Variants in TEX9 observed in about 807,000 individuals in gnomAD.
TEX9 encodes testis-expressed protein 9.
In TEX9, 74 loss-of-function variants were observed where a neutral mutation model predicts 59.6. The observed-to-expected ratio is 1.24, with a 90% CI of 1.03 to 1.51. The LOEUF (loss-of-function observed/expected upper bound fraction) is 1.51, where lower values mean the gene tolerates loss of function less well. Among genes scored for constraint, TEX9 ranks in the 40% most tolerant of loss-of-function variants. The probability of loss-of-function intolerance (pLI) is 0.00; values close to 1 mark genes in which losing one functional copy is unlikely to be tolerated. For missense variants in TEX9, 522 were observed against 447.8 expected (o/e 1.17, Z -1.49); for synonymous variants, 186 against 152.2 (o/e 1.22, Z -1.64).
At chr15:56,382,506 C>G (rs1056110099) in intron 3 of TEX9, among the ~76,000 whole-genome samples, 2 of 152,184 alleles carry the variant, frequency 1.3e-5, no homozygotes, top group African/African-American at 4.8e-5. Context: ...GCCCAAGGCC[C>G]ATGGCCTGCT....
intron 12 of TEX9, among the ~76,000 whole-genome samples, chr15:56,438,748 G>C (rs1356590368): frequency 2.0e-5 from 3 of 152,106 alleles, no homozygotes; most frequent in Non-Finnish European, 4.4e-5. Flanking sequence ...CTACCCATCT[G>C]ACCAAGGGGT....
At chr15:56,296,249 C>T (rs2045216334) in intron 1 of TEX9, among the ~76,000 whole-genome samples, 1 of 152,158 alleles carries the variant, frequency 6.6e-6, no homozygotes, top group African/African-American at 2.4e-5. Flanking sequence ...ACCTGTATTA[C>T]ATGTATGCTT....
chr15:56,439,446 TAA>T (rs35812910), intron 12 of TEX9, among the ~76,000 whole-genome samples: 2 of 151,670 alleles, frequency 1.3e-5, no homozygotes, highest in African/African-American at 2.4e-5. Flanking sequence ...CTAGAATAGC[TAA>T]AAAAAAAATT....
intron 1 of TEX9, among the ~76,000 whole-genome samples, chr15:56,318,941 T>A (rs1016310617): frequency 4.6e-5 from 7 of 152,194 alleles, no homozygotes; most frequent in Non-Finnish European, 1.0e-4. Context: ...TAAAGAACTC[T>A]ACGCTATTAC....
chr15:56,445,399 A>G (rs759264899), intron 12 of TEX9, among the ~76,000 whole-genome samples: 134 of 152,154 alleles, frequency 8.8e-4, no homozygotes, highest in Non-Finnish European at 1.6e-3. Context: ...TTTTTAAACT[A>G]CGCTTTACTT....
intron 1 of TEX9, among the ~76,000 whole-genome samples, chr15:56,343,095 CAT>C (rs755464797): frequency 9.9e-5 from 15 of 152,078 alleles, no homozygotes; most frequent in African/African-American, 3.4e-4. Flanking sequence ...AAAAAGAAAA[CAT>C]ATGATTAGGA....
chr15:56,273,955 C>A (rs185532047), intron 1 of TEX9, among the ~76,000 whole-genome samples: 7 of 152,138 alleles, frequency 4.6e-5, no homozygotes, highest in Admixed American at 4.6e-4. Context: ...GTTCTCTGAC[C>A]TTCTCGTATC....
At chr15:56,458,233 G>T in the TEX9 span, among the ~76,000 whole-genome samples, 21,523 of 152,150 alleles carry the variant, frequency 0.14, 4,685 homozygotes, top group African/African-American at 0.47. Context: ...ATTCAGTGAT[G>T]TTGTATATTC....
At chr15:56,354,405 GC>G (rs2046646602) in intron 1 of TEX9, among the ~76,000 whole-genome samples, 1 of 152,134 alleles carries the variant, frequency 6.6e-6, no homozygotes, top group African/African-American at 2.4e-5. Flanking sequence ...GGTTTCTAGA[GC>G]CCTTTAATTG....
chr15:56,290,274 T>C (rs1184591923), intron 1 of TEX9, among the ~76,000 whole-genome samples: 2 of 152,164 alleles, frequency 1.3e-5, no homozygotes, highest in Non-Finnish European at 2.9e-5. Context: ...GGTTCCTCTG[T>C]GTAATGGGTG....
At chr15:56,434,053 C>G (rs1226565583) in intron 12 of TEX9, 2 of 1,395,172 alleles carry the variant, frequency 1.4e-6, no homozygotes, top group Non-Finnish European at 1.9e-6. Flanking sequence ...GCATATAAAG[C>G]TTCTCAGTAA....
chr15:56,267,643 T>C (rs561544276), intron 1 of TEX9, among the ~76,000 whole-genome samples: 1 of 152,290 alleles, frequency 6.6e-6, no homozygotes, highest in South Asian at 2.1e-4. Context: ...GTTGTAGATG[T>C]GTGGTGTTAT....
At chr15:56,251,664 T>G (rs2044021841) in intron 1 of TEX9, among the ~76,000 whole-genome samples, 1 of 152,032 alleles carries the variant, frequency 6.6e-6, no homozygotes, top group African/African-American at 2.4e-5. Context: ...AGAAACTGTG[T>G]GAAGAGGAGC....
intron 9 of TEX9, chr15:56,397,013 G>A (rs2048514091): frequency 6.6e-6 from 1 of 152,426 alleles, no homozygotes; most frequent in South Asian, 2.1e-4. Flanking sequence ...CCTTGGAACT[G>A]GGTAAGAGGC....
chr15:56,317,684 CTTAA>C (rs1257304743), intron 1 of TEX9, among the ~76,000 whole-genome samples: 1 of 152,218 alleles, frequency 6.6e-6, no homozygotes, highest in Admixed American at 6.5e-5. Context: ...CTAAGTACAG[CTTAA>C]TTGTGTTCCA....
At chr15:56,411,802 A>G (rs1192602707) in intron 9 of TEX9, among the ~76,000 whole-genome samples, 1 of 152,204 alleles carries the variant, frequency 6.6e-6, no homozygotes, top group Non-Finnish European at 1.5e-5. Flanking sequence ...AAAATAATCT[A>G]TAAGATCTGT....
intron 3 of TEX9, among the ~76,000 whole-genome samples, chr15:56,373,957 A>G (rs1451705967): frequency 2.0e-5 from 3 of 152,086 alleles, no homozygotes; most frequent in Admixed American, 2.0e-4. Flanking sequence ...ATCCATGATT[A>G]TTTGTTAGTT....
At chr15:56,342,846 G>A (rs982570388) in intron 1 of TEX9, among the ~76,000 whole-genome samples, 3 of 152,186 alleles carry the variant, frequency 2.0e-5, no homozygotes, top group African/African-American at 4.8e-5. Flanking sequence ...TAGGATGTAT[G>A]CTTTCCTAAT....
At position 56,427,662 on chromosome 15, in the gene TEX9, CT is replaced by C; in HGVS notation, c.1022del (p.Leu341GlnfsTer8). ...AGTGTTAAAATCAGAAAACAAGAAG[CT>C]AGAAAAACAAAAAGGAGAATTAATG... On this transcript the variant is annotated frameshift_variant, in exon 11 of 13. Coordinates refer to ENST00000352903, the Ensembl canonical transcript of TEX9. LOFTEE classifies it high-confidence loss of function. The C allele has an allele frequency of 6.5e-7, 1 of 1,540,808 alleles. No individual in the cohort carries two copies. The highest frequency in any genetic ancestry group is 8.7e-7 in the Non-Finnish European group (1 of 1,145,110).
Sources: allele counts gnomAD v4.1 joint callset (sites outside exome capture counted in the v4.1 genomes callset), GRCh38; gene constraint gnomAD v4.1.1; transcripts MANE v1.5; gene names NCBI Gene and HGNC (gene_info 2026-07-23, HGNC 2026-07-21).